Variants in FHIT observed in about 807,000 individuals in gnomAD.
The protein encoded by FHIT is fragile histidine triad diadenosine triphosphatase.
A neutral mutation model predicts 17.9 loss-of-function variants in FHIT; 19 were observed. The observed-to-expected ratio is 1.06, with a 90% confidence interval of 0.74 to 1.56. FHIT has a LOEUF of 1.56. Among genes scored for constraint, FHIT ranks in the 40% most tolerant of loss-of-function variants. The probability of loss-of-function intolerance (pLI) is 0.00; values close to 1 mark genes in which losing one functional copy is unlikely to be tolerated. For synonymous variants in FHIT, 81 were observed against 69.7 expected (o/e 1.16, Z -0.81); for missense variants, 248 against 189.2 (o/e 1.31, Z -1.82).
chr3:60,944,519 G>A (rs1708559798), intron 3 of FHIT, among the ~76,000 whole-genome samples: 1 of 152,180 alleles, frequency 6.6e-6, no homozygotes, highest in African/African-American at 2.4e-5. Context: ...ATTTGCAATG[G>A]AAAGATAGTG....
chr3:61,028,896 A>C (rs1286330170), intron 3 of FHIT, among the ~76,000 whole-genome samples: 2 of 151,088 alleles, frequency 1.3e-5, no homozygotes, highest in African/African-American at 2.5e-5. Flanking sequence ...CAACAAAAAA[A>C]AAAAGAAAAA....
intron 5 of FHIT, among the ~76,000 whole-genome samples, chr3:60,510,825 C>A (rs1167659524): frequency 6.6e-6 from 1 of 152,084 alleles, no homozygotes; most frequent in Non-Finnish European, 1.5e-5. Flanking sequence ...GACTATAGTG[C>A]CATTATTAAA....
intron 3 of FHIT, among the ~76,000 whole-genome samples, chr3:60,826,839 A>T (rs1702142848): frequency 6.6e-6 from 1 of 152,200 alleles, no homozygotes; most frequent in Admixed American, 6.5e-5. Context: ...ACATCTTTTC[A>T]ACCTTTTTAA....
intron 1 of FHIT, among the ~76,000 whole-genome samples, chr3:61,207,181 G>A (rs951168812): frequency 7.2e-5 from 11 of 152,174 alleles, no homozygotes; most frequent in Non-Finnish European, 1.6e-4. Context: ...ACTTGATCAT[G>A]GTGGATAAGC....
In FHIT at chr3:61,184,754, G is replaced by A. The variant is rs115436563; in HGVS notation, c.-164+15863C>T. ...CTTCTCCATCTACAAGCATCTAAAT[G>A]TAGAGTCATGAGAGAAGGTGAGAGG... is the stretch of plus-strand genomic sequence containing the variant. On this transcript the variant is annotated intron_variant, in intron 2 of 9. Transcript: ENST00000492590. Among the ~76,000 whole-genome samples the A allele has an allele frequency of 5.6e-4, 86 of 152,216 alleles. 1 individual carries two copies. The highest frequency in any genetic ancestry group is 2.0e-3 in the African/African-American group (84 of 41,554).
chr3:59,807,789 C>T (rs1700260286), intron 8 of FHIT, among the ~76,000 whole-genome samples: 1 of 151,910 alleles, frequency 6.6e-6, no homozygotes, highest in African/African-American at 2.4e-5. Context: ...GTGATGGTTT[C>T]CGCAAACACA....
At chr3:61,237,497 C>T (rs1324731570) in intron 1 of FHIT, among the ~76,000 whole-genome samples, 5 of 152,172 alleles carry the variant, frequency 3.3e-5, no homozygotes, top group Non-Finnish European at 7.3e-5. Flanking sequence ...ATGATTTCTA[C>T]ATTTATTTGA....
intron 5 of FHIT, among the ~76,000 whole-genome samples, chr3:60,394,571 C>T (rs1701359641): frequency 6.6e-6 from 1 of 152,110 alleles, no homozygotes; most frequent in Admixed American, 6.6e-5. Context: ...TGCCTGGGTT[C>T]ACATCCTGAA....
At chr3:60,658,246 T>G (rs1415224062) in intron 4 of FHIT, among the ~76,000 whole-genome samples, 1 of 152,188 alleles carries the variant, frequency 6.6e-6, no homozygotes, top group Non-Finnish European at 1.5e-5. Flanking sequence ...GTTTCAATCA[T>G]GTTGTAGCAT....
chr3:60,477,198 A>G, intron 5 of FHIT, among the ~76,000 whole-genome samples: 1 of 150,824 alleles, frequency 6.6e-6, no homozygotes, highest in East Asian at 1.9e-4. Flanking sequence ...AGGTCTTCAA[A>G]ATGGATTTTT....
intron 4 of FHIT, among the ~76,000 whole-genome samples, chr3:60,589,957 T>C: frequency 6.6e-6 from 1 of 152,052 alleles, no homozygotes; most frequent in East Asian, 1.9e-4. Flanking sequence ...CAACTCTGGG[T>C]AAATTTACAA....
chr3:60,999,769 T>C (rs2030935909), intron 3 of FHIT, among the ~76,000 whole-genome samples: 2 of 152,076 alleles, frequency 1.3e-5, no homozygotes, highest in Non-Finnish European at 1.5e-5. Context: ...ATAATGAAGA[T>C]GGGGTGCCTT....
At chr3:60,187,741 ACAGT>A (rs796712002) in intron 5 of FHIT, among the ~76,000 whole-genome samples, 8 of 152,302 alleles carry the variant, frequency 5.3e-5, no homozygotes, top group Admixed American at 1.3e-4. Flanking sequence ...CCAGGTTCTG[ACAGT>A]CAAAGATGCT....
intron 3 of FHIT, among the ~76,000 whole-genome samples, chr3:60,831,530 G>T (rs1459813253): frequency 7.2e-5 from 11 of 152,196 alleles, no homozygotes; most frequent in Admixed American, 6.5e-5. Flanking sequence ...AAATGGAGAA[G>T]AGAGAGCACT....
chr3:60,612,028 C>T (rs1285222576), intron 4 of FHIT, among the ~76,000 whole-genome samples: 4 of 152,146 alleles, frequency 2.6e-5, no homozygotes, highest in African/African-American at 9.7e-5. Context: ...CTAGCCCTCA[C>T]CTGCTCTACC....
At chr3:59,922,294 CCCA>C (rs1705442241) in intron 8 of FHIT, 49 bp downstream of exon 8, 4 of 1,399,408 alleles carry the variant, frequency 2.9e-6, no homozygotes, top group Non-Finnish European at 4.1e-6. Flanking sequence ...TTGATGTCAT[CCCA>C]CCGACAGTCC....
At chr3:60,220,224 T>G (rs548568039) in intron 5 of FHIT, among the ~76,000 whole-genome samples, 38 of 152,292 alleles carry the variant, frequency 2.5e-4, no homozygotes, top group Admixed American at 6.5e-4. Flanking sequence ...TGTTTGGTTT[T>G]GGGAACATTT....
chr3:60,265,519 T>C (rs1706526339), intron 5 of FHIT, among the ~76,000 whole-genome samples: 1 of 151,986 alleles, frequency 6.6e-6, no homozygotes, highest in South Asian at 2.1e-4. Flanking sequence ...GTCTCTTAGC[T>C]ATGTCAGCAA....
intron 2 of FHIT, among the ~76,000 whole-genome samples, chr3:61,057,281 T>C (rs1271144065): frequency 6.6e-6 from 1 of 152,260 alleles, no homozygotes; most frequent in South Asian, 2.1e-4. Context: ...AATTCATACC[T>C]ACTTTTGTAT....
Sources: gnomAD v4.1 joint callset for allele counts (sites outside exome capture counted in the v4.1 genomes callset) on GRCh38, gnomAD v4.1.1 for gene constraint, MANE v1.5 for transcripts, NCBI Gene and HGNC (gene_info 2026-07-23, HGNC 2026-07-21) for gene names.